SNTG1: variants seen among roughly 807,000 people sequenced by gnomAD.
SNTG1 encodes the protein syntrophin gamma 1, also known as gamma-1-syntrophin.
Under a neutral mutation model 74.7 loss-of-function variants are expected in SNTG1, and 39 were observed. That is an observed-to-expected ratio of 0.52 (90% CI 0.40 to 0.68). The LOEUF is 0.68. SNTG1 is among the 30% of genes least tolerant of loss of function. SNTG1 has a pLI of 0.00. For missense variants in SNTG1, 685 were observed against 609.5 expected, an observed-to-expected ratio of 1.12 and a Z score of -1.30; for synonymous variants, 254 against 217.1, an observed-to-expected ratio of 1.17 and a Z score of -1.49.
At chr8:50,405,436 C>T (rs2092860388) in intron 4 of SNTG1, among the ~76,000 whole-genome samples, 1 of 152,060 alleles carries the variant, frequency 6.6e-6, no homozygotes, top group African/African-American at 2.4e-5. Context: ...TTATTGTCTA[C>T]TTGTGCGTCC....
chr8:50,559,654 T>C (rs563351430), intron 12 of SNTG1, among the ~76,000 whole-genome samples: 41 of 152,262 alleles, frequency 2.7e-4, no homozygotes, highest in Admixed American at 5.9e-4. Context: ...TAAATGGTTC[T>C]GGGAGAACTG....
chr8:50,335,817 A>ATTATT (rs71233486), intron 2 of SNTG1, among the ~76,000 whole-genome samples: 81,134 of 141,198 alleles, frequency 0.57, 25,988 homozygotes, highest in Middle Eastern at 0.74. Context: ...TTTATGTTTT[A>ATTATT]TTATTTTATT....
chr8:50,754,649 T>C (rs1296788717), intron 18 of SNTG1, among the ~76,000 whole-genome samples: 1 of 151,930 alleles, frequency 6.6e-6, no homozygotes, highest in African/African-American at 2.4e-5. Flanking sequence ...TATATTGTGG[T>C]CTGTAATCCA....
At position 50,080,527 on chromosome 8, in the gene SNTG1, G is replaced by C. The variant is rs1267604044; in HGVS notation, c.-102-92034G>C. ...AAACAGTTGTGTCTTTTCAGTTCCTGTTTCTCCTTTACTGGCTCCTTTTGT... is the reference window on the plus strand; with the variant it reads ...AAACAGTTGTGTCTTTTCAGTTCCTCTTTCTCCTTTACTGGCTCCTTTTGT... On this transcript the variant is annotated intron_variant, in intron 1 of 18. Transcript: ENST00000642720. 2.6e-5 allele frequency among the ~76,000 whole-genome samples: 4 copies of C among 152,158 alleles called. No individual in the cohort carries two copies. In the East Asian group the frequency reaches 7.7e-4, roughly 29 times the overall value.
intron 13 of SNTG1, among the ~76,000 whole-genome samples, chr8:50,616,020 A>C (rs1195942473): frequency 2.0e-5 from 3 of 152,204 alleles, no homozygotes; most frequent in Admixed American, 2.0e-4. Flanking sequence ...CTTGAGACAC[A>C]ATTTCTTCTT....
intron 15 of SNTG1, among the ~76,000 whole-genome samples, chr8:50,703,315 T>C (rs2095432525): frequency 6.6e-6 from 1 of 151,350 alleles, no homozygotes; most frequent in East Asian, 1.9e-4. Context: ...TACTTTTTTA[T>C]TTTTGGCTTT....
intron 3 of SNTG1, among the ~76,000 whole-genome samples, chr8:50,396,515 T>C (rs1342947678): frequency 6.6e-6 from 1 of 152,196 alleles, no homozygotes; most frequent in African/African-American, 2.4e-5. Context: ...GCACTTTGCA[T>C]AAAAGAACAT....
intron 2 of SNTG1, among the ~76,000 whole-genome samples, chr8:50,312,591 G>T (rs914215099): frequency 6.7e-6 from 1 of 149,756 alleles, no homozygotes; most frequent in African/African-American, 2.5e-5. Flanking sequence ...CCAAGGGTTT[G>T]GGTTAAAAAG....
At chr8:50,747,392 A>T (rs1256571319) in intron 17 of SNTG1, among the ~76,000 whole-genome samples, 2 of 151,566 alleles carry the variant, frequency 1.3e-5, no homozygotes, top group African/African-American at 4.9e-5. Context: ...ACATTTGTCA[A>T]ACTAAGGGTG....
At chr8:50,697,259 A>AT in intron 15 of SNTG1, among the ~76,000 whole-genome samples, 1 of 152,090 alleles carries the variant, frequency 6.6e-6, no homozygotes, top group African/African-American at 2.4e-5. Flanking sequence ...AAAGCTACTG[A>AT]TTTTTGTATG....
At chr8:50,345,686 C>T (rs1012978775) in intron 2 of SNTG1, among the ~76,000 whole-genome samples, 2 of 152,154 alleles carry the variant, frequency 1.3e-5, no homozygotes, top group Non-Finnish European at 2.9e-5. Flanking sequence ...TAAGCAATGA[C>T]TATAGACGTT....
intron 15 of SNTG1, among the ~76,000 whole-genome samples, chr8:50,674,941 G>A (rs2095303247): frequency 6.6e-6 from 1 of 152,042 alleles, no homozygotes; most frequent in African/African-American, 2.4e-5. Context: ...TCATTAAGTA[G>A]CAGTTTGTTC....
At chr8:50,299,279 T>C (rs1467982269) in intron 2 of SNTG1, among the ~76,000 whole-genome samples, 2 of 152,134 alleles carry the variant, frequency 1.3e-5, no homozygotes, top group African/African-American at 2.4e-5. Context: ...AGCCTTGAAC[T>C]CTTGGACTCA....
rs186970411 is a variant in SNTG1 at position 50,138,479 on chromosome 8, G to A, written c.-102-34082G>A. On this transcript the variant is annotated intron_variant, in intron 1 of 18. Transcript: ENST00000642720. Reference sequence around the variant, plus strand: ...CTAATAAAAAAAAAATAAAAAATTAGCCAGGCATGGTGGCACACCCCTGTA... The same window carrying A: ...CTAATAAAAAAAAAATAAAAAATTAACCAGGCATGGTGGCACACCCCTGTA... 3.3e-5 allele frequency among the ~76,000 whole-genome samples: 5 copies of A among 151,710 alleles called. No individual in the cohort carries two copies. The East Asian group carries it at 9.8e-4, about 30-fold the overall frequency.
At chr8:50,733,985 T>A (rs990552383) in intron 17 of SNTG1, among the ~76,000 whole-genome samples, 6 of 151,890 alleles carry the variant, frequency 4.0e-5, no homozygotes, top group Admixed American at 1.3e-4. Flanking sequence ...TCTATGTAAT[T>A]TTTCTATAAC....
At chr8:50,334,606 G>T (rs1336943120) in intron 2 of SNTG1, among the ~76,000 whole-genome samples, 2 of 151,858 alleles carry the variant, frequency 1.3e-5, no homozygotes, top group Non-Finnish European at 2.9e-5. Context: ...AGACTAACCT[G>T]GGAGAACATG....
intron 1 of SNTG1, among the ~76,000 whole-genome samples, chr8:50,078,058 T>G (rs1487335783): frequency 1.3e-5 from 2 of 152,172 alleles, no homozygotes; most frequent in Non-Finnish European, 2.9e-5. Flanking sequence ...AATTTAATTG[T>G]CATGTCATGT....
chr8:50,418,555 C>T (rs1049764921), intron 4 of SNTG1, among the ~76,000 whole-genome samples: 1 of 152,106 alleles, frequency 6.6e-6, no homozygotes, highest in Admixed American at 6.6e-5. Context: ...AGTGACTAAG[C>T]TCCAGCTTAT....
In SNTG1 at chr8:50,599,375, A is replaced by G. The variant is rs930176613; in HGVS notation, c.849+8458A>G. Among the ~76,000 whole-genome samples the G allele has an allele frequency of 2.0e-5, 3 of 151,852 alleles. No individual in the cohort carries two copies. In the East Asian group the frequency reaches 5.8e-4, roughly 29 times the overall value. On this transcript the variant is annotated intron_variant, in intron 13 of 18. Coordinates refer to ENST00000642720, the MANE Select transcript of SNTG1 (RefSeq NM_018967.5). ...TTTGTGGTTCCAAATAAATTTTAGG[A>G]TTGTTTTTCTATTTATGTAAAGAAT...
Sources: gnomAD v4.1 joint callset for allele counts (sites outside exome capture counted in the v4.1 genomes callset) on GRCh38, gnomAD v4.1.1 for gene constraint, MANE v1.5 for transcripts, NCBI Gene and HGNC (gene_info 2026-07-23, HGNC 2026-07-21) for gene names.